KRTAP10-4: variants seen among roughly 807,000 people sequenced by gnomAD.
KRTAP10-4 encodes keratin-associated protein 10-4.
For synonymous variants in KRTAP10-4, 147 were observed against 213.7 expected, an observed-to-expected ratio of 0.69 and a Z score of 2.72; for missense variants, 374 against 507.6, an observed-to-expected ratio of 0.74 and a Z score of 2.53.
At position 44,574,832 on chromosome 21, in the gene KRTAP10-4, C is replaced by G. The variant is rs782070214; in HGVS notation, c.1074C>G (p.Ser358=). Residue 358 remains serine, a synonymous_variant, in exon 1 of 1, where the codon TCC becomes TCG. Coordinates refer to ENST00000400374, the MANE Select transcript of KRTAP10-4 (RefSeq NM_198687.2). ...GCACCACCTCCTGCTGCAGACCCTCCTCCTCCGTGTCCCTCCTCTGCCGCC... is the reference window on the plus strand; with the variant it reads ...GCACCACCTCCTGCTGCAGACCCTCGTCCTCCGTGTCCCTCCTCTGCCGCC... ...ACCTTSCCRP[S]SSVSLLCRPV... 6 of 1,614,168 alleles carry G rather than the reference C, an allele frequency of 3.7e-6. No individual in the cohort carries two copies. The highest frequency in any genetic ancestry group is 1.1e-5 in the South Asian group (1 of 91,082).
Position 44,575,229 on chromosome 21 carries a change from T to G in KRTAP10-4, c.*265T>G. On this transcript the variant is annotated 3_prime_UTR_variant, in exon 1 of 1. Transcript: ENST00000400374. Reference sequence around the variant, plus strand: ...CTAGAAAGTTCCCATGGCAGTGGCCTCCCCTCCATATCTCCCACCTCTCAT... The same window carrying G: ...CTAGAAAGTTCCCATGGCAGTGGCCGCCCCTCCATATCTCCCACCTCTCAT... The G allele has an allele frequency of 1.7e-6, 1 of 603,096 alleles. No individual in the cohort carries two copies. 37.4% of individuals were successfully genotyped at this position (603,096 alleles called of 1,614,324 possible).
rs782125766 is a variant in KRTAP10-4, at chr21:44,574,982, C to T, written c.*18C>T. ...TCCTCTGACGCCCCGTGTGCTCCCG[C>T]CCAGCCTGCTGAGGCCTCCGCTCAG... On this transcript the variant is annotated 3_prime_UTR_variant, in exon 1 of 1. Coordinates refer to ENST00000400374, the MANE Select transcript of KRTAP10-4 (RefSeq NM_198687.2). 1 of 1,611,616 alleles carries T rather than the reference C, an allele frequency of 6.2e-7. No individual in the cohort carries two copies. The highest frequency in any genetic ancestry group is 8.5e-7 in the Non-Finnish European group (1 of 1,178,724).
chr21:44,574,057 G>C lies in KRTAP10-4; in HGVS notation c.299G>C (p.Cys100Ser). 2.5e-6 allele frequency: 4 copies of C among 1,613,146 alleles called. No individual in the cohort carries two copies. Among genetic ancestry groups the C allele is most frequent in the Non-Finnish European group, 3.4e-6 (4 of 1,179,776 alleles). Reference sequence around the variant, plus strand: ...CAGTCTAGCTGCCAGCTGGCTTGCTGTGCCTCCTCCCCCTGCCAGCAGGCC... The same window carrying C: ...CAGTCTAGCTGCCAGCTGGCTTGCTCTGCCTCCTCCCCCTGCCAGCAGGCC... ...CQQSSCQLACCASSPCQQACC... is the reference protein window; with the variant it reads ...CQQSSCQLACSASSPCQQACC... The change falls in exon 1 of 1, where the codon TGT becomes TCT. Residue 100 changes from cysteine (C) to serine (S), a missense_variant. Transcript: ENST00000400374.
At position 44,574,959 on chromosome 21, in the gene KRTAP10-4, C is replaced by A; in HGVS notation, c.1201C>A (p.Leu401Ile). 6.2e-7 allele frequency: 1 copy of A among 1,606,870 alleles called. No individual in the cohort carries two copies. The change falls in exon 1 of 1, where the codon CTC becomes ATC. Residue 401 changes from leucine (L) to isoleucine (I), a missense_variant. By Grantham distance (5) the Leu-to-Ile change is conservative. Coordinates refer to ENST00000400374, the MANE Select transcript of KRTAP10-4 (RefSeq NM_198687.2). ...CCRPASCVSL[L>I] is the part of the protein sequence containing the mutation. Reference sequence around the variant, plus strand: ...CCGCCCAGCCTCCTGCGTGTCCCTCCTCTGACGCCCCGTGTGCTCCCGCCC... The same window carrying A: ...CCGCCCAGCCTCCTGCGTGTCCCTCATCTGACGCCCCGTGTGCTCCCGCCC...
the KRTAP10-4 span, chr21:44,574,921 AAC>A: frequency 8.7e-6 from 14 of 1,609,274 alleles, no homozygotes; most frequent in Non-Finnish European, 1.2e-5. Context: ...TCCTCCTGCC[AAC>A]CCAGCTGCTG....
Position 44,574,960 on chromosome 21 carries a change from T to C in KRTAP10-4, c.1202T>C (p.Leu401Pro), listed in dbSNP as rs1555923685. 3 of 1,606,516 alleles carry C rather than the reference T, an allele frequency of 1.9e-6. No individual in the cohort carries two copies. Among genetic ancestry groups the C allele is most frequent in the South Asian group, 1.1e-5 (1 of 90,166 alleles). ...CCRPASCVSL[L>P] ...CGCCCAGCCTCCTGCGTGTCCCTCC[T>C]CTGACGCCCCGTGTGCTCCCGCCCA... Residue 401 changes from leucine (L) to proline (P), a missense_variant, in exon 1 of 1, where the codon CTC (leucine) becomes CCC (proline). Leu to Pro is a moderately conservative substitution (Grantham distance 98). Coordinates refer to ENST00000400374, the MANE Select transcript of KRTAP10-4 (RefSeq NM_198687.2).
rs782062312 is a variant in KRTAP10-4 at position 44,574,642 on chromosome 21, C to G, written c.884C>G (p.Ser295Cys). 9.3e-6 allele frequency: 12 copies of G among 1,293,812 alleles called. No individual in the cohort carries two copies. The East Asian group carries it at 3.1e-4, about 34-fold the overall frequency. 80.1% of individuals were successfully genotyped at this position (1,293,812 alleles called of 1,614,324 possible). A position where few individuals can be genotyped will look rare whatever the true frequency, so the allele number is the denominator to read the frequency against. Reference sequence around the variant, plus strand: ...GTGCCCATCTGCTCTGGGGCTTCCTCTCTGTGCTGCCAGCAGTCTAGCTGC... The same window carrying G: ...GTGCCCATCTGCTCTGGGGCTTCCTGTCTGTGCTGCCAGCAGTCTAGCTGC... ...CSVPICSGAS[S>C]LCCQQSSCQP... The change falls in exon 1 of 1, where the codon TCT becomes TGT. Residue 295 changes from serine to cysteine, a missense_variant. Coordinates refer to ENST00000400374, the MANE Select transcript of KRTAP10-4 (RefSeq NM_198687.2).
chr21:44,573,842 G>T lies in KRTAP10-4; in HGVS notation c.84G>T (p.Gln28His). 6.2e-7 allele frequency: 1 copy of T among 1,614,192 alleles called. No individual in the cohort carries two copies. ...GSCDSCSDSWQVDDCPESCCE... is the reference protein window; with the variant it reads ...GSCDSCSDSWHVDDCPESCCE... ...GTGACTCTTGCTCCGACTCCTGGCA[G>T]GTGGACGACTGCCCAGAGAGCTGCT... is the stretch of plus-strand genomic sequence containing the variant. The change falls in exon 1 of 1, where the codon CAG becomes CAT. Residue 28 changes from glutamine (Q) to histidine (H), a missense_variant. Coordinates refer to ENST00000400374, the MANE Select transcript of KRTAP10-4 (RefSeq NM_198687.2).
chr21:44,574,324 C>T lies in KRTAP10-4; in HGVS notation c.566C>T (p.Ala189Val), dbSNP rs587727171. 91 of 1,605,418 alleles carry T rather than the reference C, an allele frequency of 5.7e-5. No homozygotes were observed. The highest frequency in any genetic ancestry group is 5.1e-4 in the Admixed American group (30 of 59,204). Residue 189 changes from alanine (A) to valine (V), a missense_variant, in exon 1 of 1, where the codon GCG (alanine) becomes GTG (valine). Coordinates refer to ENST00000400374, the MANE Select transcript of KRTAP10-4 (RefSeq NM_198687.2). The part of the protein sequence containing the change: ...VSCVSSPCCQ[A>V]VCEPSPCQSG... ...TGTGTGTCCAGCCCCTGCTGCCAGG[C>T]GGTCTGTGAGCCCAGCCCCTGCCAA...
In KRTAP10-4 at chr21:44,574,858, C is replaced by G; in HGVS notation, c.1100C>G (p.Pro367Arg). Reference sequence around the variant, plus strand: ...TCCTCCGTGTCCCTCCTCTGCCGCCCCGTGTGCAGGCCCGCCTGCTGCGTG... The same window carrying G: ...TCCTCCGTGTCCCTCCTCTGCCGCCGCGTGTGCAGGCCCGCCTGCTGCGTG... ...PSSSVSLLCR[P>R]VCRPACCVPV... The change falls in exon 1 of 1, where the codon CCC (proline) becomes CGC (arginine). Residue 367 changes from proline (P) to arginine (R), a missense_variant. Transcript: ENST00000400374. 6.2e-7 allele frequency: 1 copy of G among 1,613,128 alleles called. No individual in the cohort carries two copies. Among genetic ancestry groups the G allele is most frequent in the South Asian group, 1.1e-5 (1 of 91,004 alleles).
At position 44,574,473 on chromosome 21, in the gene KRTAP10-4, T is replaced by C; in HGVS notation, c.715T>C (p.Cys239Arg). Residue 239 changes from cysteine (C) to arginine (R), a missense_variant, in exon 1 of 1, where the codon TGC becomes CGC. Cys to Arg is a radical substitution (Grantham distance 180). Coordinates refer to ENST00000400374, the MANE Select transcript of KRTAP10-4 (RefSeq NM_198687.2). ...GCCCGTCTGCTGCAAGACTGTCTGC[T>C]GCAAGCCTGTGTGCTCTGAGGATTC... The part of the protein sequence containing the change: ...CVPVCCKTVC[C>R]KPVCSEDSSS... 1 of 1,605,820 alleles carries C rather than the reference T, an allele frequency of 6.2e-7. No individual in the cohort carries two copies. Among genetic ancestry groups the C allele is most frequent in the Non-Finnish European group, 8.5e-7 (1 of 1,176,866 alleles).
rs782801901 is a variant in KRTAP10-4, at chr21:44,574,880, C to T, written c.1122C>T (p.Cys374=). Residue 374 remains cysteine (C), a synonymous_variant, in exon 1 of 1, where the codon TGC becomes TGT. Coordinates refer to ENST00000400374, the MANE Select transcript of KRTAP10-4 (RefSeq NM_198687.2). ...LCRPVCRPAC[C]VPVPSCCAPT... ...GCCCCGTGTGCAGGCCCGCCTGCTGCGTGCCCGTCCCTTCCTGCTGTGCTC... is the reference window on the plus strand; with the variant it reads ...GCCCCGTGTGCAGGCCCGCCTGCTGTGTGCCCGTCCCTTCCTGCTGTGCTC... 5.7e-5 allele frequency: 92 copies of T among 1,612,796 alleles called. No homozygotes were observed. Among genetic ancestry groups the T allele is most frequent in the Non-Finnish European group, 6.9e-5 (81 of 1,179,906 alleles).
In KRTAP10-4 at chr21:44,574,426, C is replaced by T. The variant is rs782419207; in HGVS notation, c.668C>T (p.Ser223Phe). The change falls in exon 1 of 1, where the codon TCC becomes TTC. Residue 223 changes from serine to phenylalanine, a missense_variant. Transcript: ENST00000400374. ...CAGCCGGCTTGCTGCACCTCCTCCT[C>T]CTGCCAGCAGGCCTGCTGCGTGCCC... ...SCQPACCTSSSCQQACCVPVC... is the reference protein window; with the variant it reads ...SCQPACCTSSFCQQACCVPVC... 2 of 1,600,066 alleles carry T rather than the reference C, an allele frequency of 1.2e-6. No individual in the cohort carries two copies. The highest frequency in any genetic ancestry group is 1.7e-6 in the Non-Finnish European group (2 of 1,173,998).
rs1358448380 is a variant in KRTAP10-4, at chr21:44,575,307, C to T, written c.*343C>T. On this transcript the variant is annotated 3_prime_UTR_variant, in exon 1 of 1. Transcript: ENST00000400374. ...GGTCTCTGTCCTCCTGGCTCAGAGCCGCAGAGCCTTCTTTGGACGCCCTCA... is the reference window on the plus strand; with the variant it reads ...GGTCTCTGTCCTCCTGGCTCAGAGCTGCAGAGCCTTCTTTGGACGCCCTCA... 5 of 442,846 alleles carry T rather than the reference C, an allele frequency of 1.1e-5. No individual in the cohort carries two copies. The highest frequency in any genetic ancestry group is 2.0e-5 in the African/African-American group (1 of 50,554). 27.4% of individuals were successfully genotyped at this position (442,846 alleles called of 1,614,324 possible).
Position 44,574,388 on chromosome 21 carries a change from G to T in KRTAP10-4, c.630G>T (p.Gln210His), listed in dbSNP as rs782446013. 2 of 1,602,512 alleles carry T rather than the reference G, an allele frequency of 1.2e-6. No homozygotes were observed. Among genetic ancestry groups the T allele is most frequent in the East Asian group, 2.3e-5 (1 of 43,486 alleles). The change falls in exon 1 of 1, where the codon CAG becomes CAT. Residue 210 changes from glutamine (Q) to histidine (H), a missense_variant. Coordinates refer to ENST00000400374, the MANE Select transcript of KRTAP10-4 (RefSeq NM_198687.2). ...GCTCCTGCACGCCCTCGTGCTGCCA[G>T]CAGTCTAGCTGCCAGCCGGCTTGCT... ...CISSCTPSCC[Q>H]QSSCQPACCT...
rs587622981 is a variant in KRTAP10-4 at position 44,574,684 on chromosome 21, C to A, written c.926C>A (p.Thr309Asn). ...TCTAGCTGCCAGCCAGCTTGCTGCA[C>A]CTCCTCCCAAAGCCAGCAGGGCTGC... ...QQSSCQPACC[T>N]SSQSQQGCCV... Residue 309 changes from threonine (T) to asparagine (N), a missense_variant, in exon 1 of 1, where the codon ACC becomes AAC. Physicochemically the swap from Thr to Asn is moderately conservative, Grantham distance 65. Transcript: ENST00000400374. 1.9e-6 allele frequency: 3 copies of A among 1,606,662 alleles called. No individual in the cohort carries two copies. Among genetic ancestry groups the A allele is most frequent in the Non-Finnish European group, 2.6e-6 (3 of 1,175,844 alleles).
rs1978347409 is a variant in KRTAP10-4, at chr21:44,575,142, A to G, written c.*178A>G. The G allele has an allele frequency of 2.1e-6, 2 of 961,294 alleles. No homozygotes were observed. Among genetic ancestry groups the G allele is most frequent in the Admixed American group, 2.9e-5 (1 of 34,860 alleles). 59.5% of individuals were successfully genotyped at this position (961,294 alleles called of 1,614,324 possible). On this transcript the variant is annotated 3_prime_UTR_variant, in exon 1 of 1. Coordinates refer to ENST00000400374, the MANE Select transcript of KRTAP10-4 (RefSeq NM_198687.2). ...CTGGTGTCTGCTGTTGAGCTGGACA[A>G]TGGAAGAACTGAAAGTCTATACTCA...
Position 44,575,257 on chromosome 21 carries a change from G to C in KRTAP10-4, c.*293G>C, listed in dbSNP as rs1555923790. On this transcript the variant is annotated 3_prime_UTR_variant, in exon 1 of 1. Transcript: ENST00000400374. Reference sequence around the variant, plus strand: ...CCTCCATATCTCCCACCTCTCATGAGGGTCAGTTCAGCCTTGACCCGTGAG... The same window carrying C: ...CCTCCATATCTCCCACCTCTCATGACGGTCAGTTCAGCCTTGACCCGTGAG... 1.7e-6 allele frequency: 1 copy of C among 577,038 alleles called. No homozygotes were observed. The highest frequency in any genetic ancestry group is 1.9e-5 in the African/African-American group (1 of 53,254). The allele number at this position is 577,038 out of a possible 1,614,324, so 35.7% of individuals were successfully genotyped here. A position where few individuals can be genotyped will look rare whatever the true frequency, so the allele number is the denominator to read the frequency against.
Position 44,575,074 on chromosome 21 carries a change from C to A in KRTAP10-4, c.*110C>A. 2 of 1,484,128 alleles carry A rather than the reference C, an allele frequency of 1.3e-6. No individual in the cohort carries two copies. Among genetic ancestry groups the A allele is most frequent in the South Asian group, 2.6e-5 (2 of 78,198 alleles). 91.9% of individuals were successfully genotyped at this position (1,484,128 alleles called of 1,614,324 possible). A position where few individuals can be genotyped will look rare whatever the true frequency, so the allele number is the denominator to read the frequency against. On this transcript the variant is annotated 3_prime_UTR_variant, in exon 1 of 1. Transcript: ENST00000400374. ...GCCAGGCTCAGGTCCCACCTGAAAG[C>A]TGATAGTCGCGTCCTGAATTGCTCC... is the stretch of plus-strand genomic sequence containing the variant.
Sources: allele counts gnomAD v4.1 joint callset, GRCh38; gene constraint gnomAD v4.1.1; transcripts MANE v1.5; gene names NCBI Gene and HGNC (gene_info 2026-07-23, HGNC 2026-07-21).